The following RCAN2 variants were observed in gnomAD, a reference collection of about 807,000 sequenced individuals.
RCAN2 encodes the protein regulator of calcineurin 2, also known as calcipressin-2.
In RCAN2, 9 loss-of-function variants were observed where a neutral mutation model predicts 23.6. That is an observed-to-expected ratio of 0.38 (90% CI 0.23 to 0.67). The LOEUF (loss-of-function observed/expected upper bound fraction) is 0.67. Ranked by LOEUF, RCAN2 falls within the 30% of genes least tolerant of loss-of-function variation. The probability of loss-of-function intolerance (pLI) is 0.51; values close to 1 mark genes in which losing one functional copy is unlikely to be tolerated. For missense variants in RCAN2, 273 were observed against 302.3 expected, an observed-to-expected ratio of 0.90 and a Z score of 0.72; for synonymous variants, 109 against 115.7, an observed-to-expected ratio of 0.94 and a Z score of 0.37.
intron 2 of RCAN2, among the ~76,000 whole-genome samples, chr6:46,312,089 T>C (rs944675874): frequency 3.3e-5 from 5 of 152,128 alleles, no homozygotes; most frequent in Non-Finnish European, 5.9e-5. Flanking sequence ...TCATCCAACC[T>C]TTATTCAGCA....
At chr6:46,243,966 C>G (rs1167412785) in intron 4 of RCAN2, among the ~76,000 whole-genome samples, 1 of 152,162 alleles carries the variant, frequency 6.6e-6, no homozygotes, top group Non-Finnish European at 1.5e-5. Context: ...GAAGTTTACT[C>G]TCTGGAGTCA....
chr6:46,330,633 C>T (rs932717457), intron 2 of RCAN2, among the ~76,000 whole-genome samples: 5 of 152,148 alleles, frequency 3.3e-5, no homozygotes, highest in African/African-American at 1.2e-4. Flanking sequence ...TCTCCTTGAT[C>T]GCATCCTGGT....
chr6:46,250,738 A>G (rs889767241), intron 2 of RCAN2, among the ~76,000 whole-genome samples: 2 of 152,190 alleles, frequency 1.3e-5, no homozygotes, highest in Admixed American at 1.3e-4. Context: ...TTTTAATAAG[A>G]GCATTTATAT....
chr6:46,353,696 T>A (rs770520790), intron 2 of RCAN2, among the ~76,000 whole-genome samples: 1 of 152,166 alleles, frequency 6.6e-6, no homozygotes, highest in Non-Finnish European at 1.5e-5. Flanking sequence ...CTATTTCAAC[T>A]CTTTTTAAAG....
chr6:46,274,680 T>G (rs539547815), intron 2 of RCAN2, among the ~76,000 whole-genome samples: 1 of 152,234 alleles, frequency 6.6e-6, no homozygotes, highest in East Asian at 1.9e-4. Context: ...GCCTCCAGAA[T>G]CCCTCTCCCA....
intron 2 of RCAN2, among the ~76,000 whole-genome samples, chr6:46,450,777 G>T (rs183187839): frequency 5.9e-5 from 9 of 152,144 alleles, no homozygotes; most frequent in Admixed American, 4.6e-4. Context: ...CTTACCAGGG[G>T]CTGGGAAGTT....
At chr6:46,325,245 A>T in intron 2 of RCAN2, 1 of 714,648 alleles carries the variant, frequency 1.4e-6, no homozygotes, top group Non-Finnish European at 2.2e-6. Context: ...TATTCTACTT[A>T]ATGCAGCCAT....
intron 2 of RCAN2, among the ~76,000 whole-genome samples, chr6:46,333,285 C>T (rs192690041): frequency 2.6e-5 from 4 of 152,262 alleles, no homozygotes; most frequent in East Asian, 3.9e-4. Context: ...GCACACTTTG[C>T]TCACTATTTT....
intron 2 of RCAN2, among the ~76,000 whole-genome samples, chr6:46,448,235 G>A (rs59718054): frequency 0.51 from 76,565 of 151,504 alleles, 19,815 homozygotes; most frequent in East Asian, 0.61. Flanking sequence ...TAACTTAGAA[G>A]AAATGGATAA....
intron 2 of RCAN2, among the ~76,000 whole-genome samples, chr6:46,308,482 G>A (rs981000471): frequency 1.3e-5 from 2 of 152,138 alleles, no homozygotes; most frequent in Non-Finnish European, 2.9e-5. Context: ...GGCCAGAGGT[G>A]CTTTTGAGCA....
intron 2 of RCAN2, among the ~76,000 whole-genome samples, chr6:46,406,391 A>G (rs1399538858): frequency 6.6e-6 from 1 of 152,240 alleles, no homozygotes; most frequent in East Asian, 1.9e-4. Flanking sequence ...TTTCCCAAAT[A>G]AAGTCACTCC....
chr6:46,395,282 A>G, intron 2 of RCAN2, among the ~76,000 whole-genome samples: 1 of 152,154 alleles, frequency 6.6e-6, no homozygotes, highest in East Asian at 1.9e-4. Flanking sequence ...GAAAGATAAG[A>G]TGCAAGCTGA....
chr6:46,246,801 G>A lies in RCAN2; in HGVS notation c.518C>T (p.Ala173Val). The change falls in exon 4 of 5, where the codon GCC (alanine) becomes GTC (valine). Residue 173 changes from alanine (A) to valine (V), a missense_variant. Ala to Val is a moderately conservative substitution (Grantham distance 64). Coordinates refer to ENST00000371374, the MANE Select transcript of RCAN2 (RefSeq NM_001251974.2). Reference protein sequence around the residue: ...PPVGWQPINDATPVLNYDLLY... With the variant: ...PPVGWQPINDVTPVLNYDLLY... ...GAGGTCATAGTTGAGGACTGGCGTG[G>A]CATCGTTGATGGGCTGCCAGCCAAC... 1.9e-6 allele frequency: 3 copies of A among 1,613,638 alleles called. No individual in the cohort carries two copies. Among genetic ancestry groups the A allele is most frequent in the Non-Finnish European group, 2.5e-6 (3 of 1,179,786 alleles).
At chr6:46,480,382 G>A (rs1215842649) in intron 1 of RCAN2, among the ~76,000 whole-genome samples, 1 of 152,144 alleles carries the variant, frequency 6.6e-6, no homozygotes, top group African/African-American at 2.4e-5. Flanking sequence ...CAGTTGCTTT[G>A]TATCCAAGTT....
chr6:46,241,171 T>C (rs1766293568), intron 4 of RCAN2, among the ~76,000 whole-genome samples: 1 of 152,242 alleles, frequency 6.6e-6, no homozygotes, highest in Non-Finnish European at 1.5e-5. Context: ...CATTTTCTGC[T>C]GATTGGTGGA....
chr6:46,448,272 G>T (rs959831904), intron 2 of RCAN2, among the ~76,000 whole-genome samples: 3 of 151,686 alleles, frequency 2.0e-5, no homozygotes, highest in African/African-American at 7.3e-5. Context: ...AACCTACGAA[G>T]ACTGAATCAC....
rs780747078 is a variant in RCAN2, at chr6:46,248,714, T to G, written c.399+9A>C. The G allele has an allele frequency of 1.3e-6, 2 of 1,572,438 alleles. No homozygotes were observed. The highest frequency in any genetic ancestry group is 1.7e-6 in the Non-Finnish European group (2 of 1,161,218). ...CAAAAAGAATAACTTTGGTAAACAA[T>G]TACCTTACCTGTGCAAAGTAGAGCT... On this transcript the variant is annotated intron_variant, in intron 3 of 4. Coordinates refer to ENST00000371374, the MANE Select transcript of RCAN2 (RefSeq NM_001251974.2).
chr6:46,228,790 G>A (rs1394537563), intron 4 of RCAN2, among the ~76,000 whole-genome samples: 2 of 152,066 alleles, frequency 1.3e-5, no homozygotes, highest in Non-Finnish European at 2.9e-5. Context: ...ACATTGTTAT[G>A]TGTGAATTTG....
chr6:46,288,210 T>C (rs995492753), intron 2 of RCAN2, among the ~76,000 whole-genome samples: 1 of 152,226 alleles, frequency 6.6e-6, no homozygotes, highest in African/African-American at 2.4e-5. Context: ...TAGAAGGCTG[T>C]TGGGAAGACC....
Sources: allele counts gnomAD v4.1 joint callset (sites outside exome capture counted in the v4.1 genomes callset), GRCh38; gene constraint gnomAD v4.1.1; transcripts MANE v1.5; gene names NCBI Gene and HGNC (gene_info 2026-07-23, HGNC 2026-07-21).